Variants in BAD observed in about 807,000 individuals in gnomAD.
BAD encodes the protein bcl2-associated agonist of cell death.
BAD carries 18 observed loss-of-function variants against 17.8 expected under a neutral mutation model. That is an observed-to-expected ratio of 1.01 (90% confidence interval 0.70 to 1.50). The LOEUF is 1.50. Among genes scored for constraint, BAD ranks in the 40% most tolerant of loss-of-function variants. The pLI, the probability that BAD is intolerant of heterozygous loss-of-function variation, is 0.00. For synonymous variants in BAD, 112 were observed against 91.5 expected (o/e 1.22, Z -1.28); for missense variants, 294 against 239.3 (o/e 1.23, Z -1.51).
chr11:64,284,266 C>T lies in BAD; in HGVS notation c.103G>A (p.Gly35Ser), dbSNP rs372175324. 30 of 1,611,248 alleles carry T rather than the reference C, an allele frequency of 1.9e-5. No homozygotes were observed. Among genetic ancestry groups the T allele is most frequent in the Non-Finnish European group, 2.5e-5 (29 of 1,179,818 alleles). The change falls in exon 2 of 4, where the codon GGC becomes AGC. Residue 35 changes from glycine to serine, a missense_variant. Coordinates refer to ENST00000309032, the MANE Select transcript of BAD (RefSeq NM_032989.3). ...SPAGDGPSGSGKHHRQAPGLL... is the reference protein window; with the variant it reads ...SPAGDGPSGSSKHHRQAPGLL... ...CCTGGGGCCTGGCGATGATGCTTGC[C>T]GGAGCCTGAGGGCCCGTCCCCTGCG...
intron 2 of BAD, 93 bp from the exon 3 acceptor site, chr11:64,271,896 C>T: frequency 9.0e-7 from 1 of 1,107,396 alleles, no homozygotes; most frequent in African/African-American, 1.6e-5. Flanking sequence ...CTCTGCAGGC[C>T]CACTCGTGGG....
At chr11:64,280,176 T>C (rs529202127) in intron 2 of BAD, among the ~76,000 whole-genome samples, 4 of 150,516 alleles carry the variant, frequency 2.7e-5, no homozygotes, top group East Asian at 2.0e-4. Flanking sequence ...AAAAATTAGC[T>C]GGGCATGGTG....
intron 2 of BAD, chr11:64,276,969 A>T (rs970686306): frequency 8.1e-6 from 6 of 744,312 alleles, no homozygotes; most frequent in Non-Finnish European, 1.0e-5. Context: ...ATCCCTGCTG[A>T]TGCTTCCGCG....
chr11:64,284,541 G>A, intron 1 of BAD, 90 bp downstream of exon 1: 3 of 1,508,544 alleles, frequency 2.0e-6, no homozygotes. Context: ...GCAGGGAGCT[G>A]AGGCTGTCGG....
chr11:64,276,809 A>C, intron 2 of BAD: 1 of 664,966 alleles, frequency 1.5e-6, no homozygotes, highest in Non-Finnish European at 2.8e-6. Context: ...AGGCCTGCCC[A>C]CTCTTGCCAT....
At chr11:64,271,899 C>T in intron 2 of BAD, 96 bp from the exon 3 acceptor site, 3 of 1,059,704 alleles carry the variant, frequency 2.8e-6, no homozygotes, top group Non-Finnish European at 3.6e-6. Flanking sequence ...TGCAGGCCCA[C>T]TCGTGGGTCT....
intron 2 of BAD, chr11:64,272,771 G>A (rs1333455923): frequency 6.6e-6 from 1 of 152,260 alleles, no homozygotes; most frequent in Admixed American, 6.5e-5. Flanking sequence ...CAAAGGTTTG[G>A]TGGAATCCAG....
chr11:64,276,909 G>C lies in BAD; in HGVS notation c.188-5106C>G, dbSNP rs755515764. ...CCCAGGCCCCAGCATGGCACCTCTA[G>C]CTTTACATTCTCTGCGTGTTGGGCT... On this transcript the variant is annotated intron_variant, in intron 2 of 3. Coordinates refer to ENST00000309032, the MANE Select transcript of BAD (RefSeq NM_032989.3). 1.1e-5 allele frequency: 8 copies of C among 761,412 alleles called. No homozygotes were observed. In the East Asian group the frequency reaches 2.0e-4, roughly 19 times the overall value. The allele number at this position is 761,412 out of a possible 1,614,324, so 47.2% of individuals were successfully genotyped here.
In BAD at chr11:64,269,883, G is replaced by T; in HGVS notation, c.*326C>A. ...TTTGGTAGTGAGCACGGCCCCCAGG[G>T]CATCGCGGGGGCTCGGGTCCCGGTG... is the stretch of plus-strand genomic sequence containing the variant. On this transcript the variant is annotated 3_prime_UTR_variant, in exon 4 of 4. Transcript: ENST00000309032. 2 of 698,754 alleles carry T rather than the reference G, an allele frequency of 2.9e-6. No individual in the cohort carries two copies. Among genetic ancestry groups the T allele is most frequent in the African/African-American group, 1.7e-5 (1 of 57,246 alleles). The allele number at this position is 698,754 out of a possible 1,614,324, so 43.3% of individuals were successfully genotyped here.
intron 2 of BAD, among the ~76,000 whole-genome samples, chr11:64,277,635 T>C (rs1565348625): frequency 6.6e-6 from 1 of 152,174 alleles, no homozygotes; most frequent in Non-Finnish European, 1.5e-5. Context: ...AGAAGTGTCT[T>C]GCCATCTTGC....
intron 2 of BAD, among the ~76,000 whole-genome samples, chr11:64,281,301 A>T (rs1460940185): frequency 6.6e-6 from 1 of 151,052 alleles, no homozygotes; most frequent in Admixed American, 6.6e-5. Context: ...CATCATCCTG[A>T]CTCCTCTCTT....
chr11:64,280,113 C>G (rs754472473), intron 2 of BAD, among the ~76,000 whole-genome samples: 2 of 151,386 alleles, frequency 1.3e-5, no homozygotes, highest in South Asian at 4.2e-4. Flanking sequence ...GTCAGGAGAT[C>G]GAGACCATCC....
rs2032374967 is a variant in BAD at position 64,269,884 on chromosome 11, C to A, written c.*325G>T. On this transcript the variant is annotated 3_prime_UTR_variant, in exon 4 of 4. Coordinates refer to ENST00000309032, the MANE Select transcript of BAD (RefSeq NM_032989.3). Reference sequence around the variant, plus strand: ...TTGGTAGTGAGCACGGCCCCCAGGGCATCGCGGGGGCTCGGGTCCCGGTGA... The same window carrying A: ...TTGGTAGTGAGCACGGCCCCCAGGGAATCGCGGGGGCTCGGGTCCCGGTGA... 2.9e-6 allele frequency: 2 copies of A among 698,882 alleles called. No homozygotes were observed. The highest frequency in any genetic ancestry group is 2.7e-5 in the East Asian group (1 of 37,318). The allele number at this position is 698,882 out of a possible 1,614,324, so 43.3% of individuals were successfully genotyped here. A position where few individuals can be genotyped will look rare whatever the true frequency, so the allele number is the denominator to read the frequency against.
intron 2 of BAD, chr11:64,277,099 G>A (rs1326579336): frequency 1.5e-6 from 1 of 669,504 alleles, no homozygotes; most frequent in Non-Finnish European, 2.8e-6. Context: ...CTTGCACACT[G>A]AATTGCACAC....
At chr11:64,280,303 G>A (rs2033367619) in intron 2 of BAD, among the ~76,000 whole-genome samples, 1 of 141,342 alleles carries the variant, frequency 7.1e-6, no homozygotes, top group African/African-American at 2.6e-5. Context: ...CTGGGCGACA[G>A]AGCAAGACTC....
Position 64,271,917 on chromosome 11 carries a change from G to T in BAD, c.188-114C>A, listed in dbSNP as rs1591133932. On this transcript the variant is annotated intron_variant, in intron 2 of 3. Coordinates refer to ENST00000309032, the MANE Select transcript of BAD (RefSeq NM_032989.3). ...AGGCCCACTCGTGGGTCTTCCAGGG[G>T]CGCATCACAGCCCACCTCTCAGAGC... 13 of 798,976 alleles carry T rather than the reference G, an allele frequency of 1.6e-5. No homozygotes were observed. The East Asian group carries it at 4.0e-4, about 25-fold the overall frequency. 49.5% of individuals were successfully genotyped at this position (798,976 alleles called of 1,614,324 possible). A position where few individuals can be genotyped will look rare whatever the true frequency, so the allele number is the denominator to read the frequency against.
intron 2 of BAD, among the ~76,000 whole-genome samples, chr11:64,282,081 G>A (rs1002999837): frequency 5.9e-5 from 9 of 152,166 alleles, no homozygotes; most frequent in African/African-American, 2.2e-4. Context: ...GGATGCTTTT[G>A]TGCTTGTTTG....
At chr11:64,278,167 G>A (rs530688729) in intron 2 of BAD, among the ~76,000 whole-genome samples, 4 of 151,916 alleles carry the variant, frequency 2.6e-5, no homozygotes, top group African/African-American at 4.8e-5. Context: ...GGTGGCGTGC[G>A]CCTGTAGTCC....
In BAD at chr11:64,270,034, C is replaced by A; in HGVS notation, c.*175G>T. ...GGAAAACCCAAAACTTCCGATGGGA[C>A]CAAGCCTTCCGTGGCTTCACACGCA... On this transcript the variant is annotated 3_prime_UTR_variant, in exon 4 of 4. Transcript: ENST00000309032. 8.0e-7 allele frequency: 1 copy of A among 1,247,756 alleles called. No homozygotes were observed. Among genetic ancestry groups the A allele is most frequent in the Non-Finnish European group, 1.1e-6 (1 of 891,094 alleles). The allele number at this position is 1,247,756 out of a possible 1,614,324, so 77.3% of individuals were successfully genotyped here. A position where few individuals can be genotyped will look rare whatever the true frequency, so the allele number is the denominator to read the frequency against.
Sources: allele counts gnomAD v4.1 joint callset (sites outside exome capture counted in the v4.1 genomes callset), GRCh38; gene constraint gnomAD v4.1.1; transcripts MANE v1.5; gene names NCBI Gene and HGNC (gene_info 2026-07-23, HGNC 2026-07-21).